The following TACR3 variants were observed in gnomAD, a reference collection of about 807,000 sequenced individuals.
TACR3 encodes the protein neuromedin-K receptor.
In TACR3, 34 loss-of-function variants were observed where a neutral mutation model predicts 35.0. The observed-to-expected ratio is 0.97, with a 90% CI of 0.74 to 1.30. The LOEUF (loss-of-function observed/expected upper bound fraction) is 1.30, where lower values mean the gene tolerates loss of function less well. TACR3 is among the 50% of genes most tolerant of loss of function. The pLI is 0.00. For synonymous variants in TACR3, 233 were observed against 221.1 expected, an observed-to-expected ratio of 1.05 and a Z score of -0.48; for missense variants, 558 against 591.7, an observed-to-expected ratio of 0.94 and a Z score of 0.59.
intron 3 of TACR3, among the ~76,000 whole-genome samples, chr4:103,630,319 A>G (rs1040636581): frequency 1.4e-4 from 22 of 152,228 alleles, no homozygotes; most frequent in African/African-American, 5.1e-4. Flanking sequence ...AATGGCAACA[A>G]AAGCCAAAAT....
intron 3 of TACR3, among the ~76,000 whole-genome samples, chr4:103,645,075 A>T (rs1010370660): frequency 6.6e-6 from 1 of 151,904 alleles, no homozygotes; most frequent in Non-Finnish European, 1.5e-5. Flanking sequence ...AGAGTCAGAC[A>T]AAAGTTCCAG....
intron 3 of TACR3, among the ~76,000 whole-genome samples, chr4:103,626,519 T>C (rs1724895966): frequency 6.6e-6 from 1 of 152,172 alleles, no homozygotes. Context: ...GGAATGTGTG[T>C]CGGTTAGCAA....
chr4:103,680,520 TATACAC>T (rs1722024884), intron 1 of TACR3, among the ~76,000 whole-genome samples: 1 of 148,784 alleles, frequency 6.7e-6, no homozygotes, highest in Non-Finnish European at 1.5e-5. Context: ...CACATATATA[TATACAC>T]ATATATATAC....
intron 3 of TACR3, among the ~76,000 whole-genome samples, chr4:103,642,248 C>T (rs1363251462): frequency 6.6e-6 from 1 of 150,710 alleles, no homozygotes; most frequent in East Asian, 1.9e-4. Context: ...TATATATAAT[C>T]ACATCATATA....
intron 3 of TACR3, among the ~76,000 whole-genome samples, chr4:103,598,452 G>A (rs1447670738): frequency 6.6e-6 from 1 of 152,190 alleles, no homozygotes; most frequent in Admixed American, 6.5e-5. Flanking sequence ...AAGCTCTTTA[G>A]ATTACTTAGA....
intron 3 of TACR3, among the ~76,000 whole-genome samples, chr4:103,606,888 C>T (rs903909072): frequency 6.6e-6 from 1 of 152,124 alleles, no homozygotes; most frequent in Non-Finnish European, 1.5e-5. Flanking sequence ...GAGGGCATCC[C>T]TGTCTTGTGC....
chr4:103,686,206 A>G (rs1722232800), intron 1 of TACR3, among the ~76,000 whole-genome samples: 1 of 152,130 alleles, frequency 6.6e-6, no homozygotes, highest in East Asian at 1.9e-4. Flanking sequence ...AGACAGGAAA[A>G]AGTCTTAAGA....
At chr4:103,621,315 C>T (rs1034921956) in intron 3 of TACR3, among the ~76,000 whole-genome samples, 10 of 152,076 alleles carry the variant, frequency 6.6e-5, no homozygotes, top group East Asian at 3.8e-4. Flanking sequence ...CCATGTACTA[C>T]AAGGTATGCT....
chr4:103,604,963 A>G (rs1317476242), intron 3 of TACR3, among the ~76,000 whole-genome samples: 10 of 142,620 alleles, frequency 7.0e-5, no homozygotes, highest in Admixed American at 7.0e-4. Flanking sequence ...TATATCTCCC[A>G]ATGCTATCCC....
chr4:103,672,713 C>T (rs554209452), intron 1 of TACR3, among the ~76,000 whole-genome samples: 1 of 152,216 alleles, frequency 6.6e-6, no homozygotes, highest in South Asian at 2.1e-4. Context: ...TTCAAGTCAC[C>T]AGCTGCACTA....
chr4:103,707,581 A>G (rs1170048493), intron 1 of TACR3, among the ~76,000 whole-genome samples: 1 of 152,166 alleles, frequency 6.6e-6, no homozygotes, highest in East Asian at 1.9e-4. Context: ...TGAGCGACGC[A>G]GAAGATGGGT....
chr4:103,591,839 T>A (rs1369345712), intron 3 of TACR3, among the ~76,000 whole-genome samples, 156 bp from the exon 4 acceptor site: 1 of 152,182 alleles, frequency 6.6e-6, no homozygotes, highest in Non-Finnish European at 1.5e-5. Context: ...ATACGGACAG[T>A]TGCCTAAGGT....
At chr4:103,612,219 T>C (rs1724529820) in intron 3 of TACR3, among the ~76,000 whole-genome samples, 2 of 152,184 alleles carry the variant, frequency 1.3e-5, no homozygotes, top group South Asian at 2.1e-4. Context: ...TTCTGATCCT[T>C]AAAAACATCA....
chr4:103,623,406 A>C (rs1488631312), intron 3 of TACR3, among the ~76,000 whole-genome samples: 3 of 152,052 alleles, frequency 2.0e-5, no homozygotes, highest in Non-Finnish European at 4.4e-5. Context: ...TAACAACTTC[A>C]TATGCTGGAA....
At chr4:103,688,475 G>A (rs1404103836) in intron 1 of TACR3, among the ~76,000 whole-genome samples, 4 of 150,542 alleles carry the variant, frequency 2.7e-5, no homozygotes. Flanking sequence ...CACAAAATGG[G>A]AGAAAATTTT....
intron 1 of TACR3, among the ~76,000 whole-genome samples, chr4:103,705,218 A>C (rs973529130): frequency 1.3e-5 from 2 of 152,282 alleles, no homozygotes; most frequent in Admixed American, 1.3e-4. Context: ...AAATGTTAGG[A>C]TAAACTATAT....
chr4:103,681,088 C>A (rs1722072073), intron 1 of TACR3, among the ~76,000 whole-genome samples: 1 of 151,736 alleles, frequency 6.6e-6, no homozygotes, highest in Admixed American at 6.6e-5. Context: ...AAATATTACA[C>A]TCAACAGATT....
At chr4:103,619,753 G>A (rs1040057838) in intron 3 of TACR3, among the ~76,000 whole-genome samples, 2 of 152,102 alleles carry the variant, frequency 1.3e-5, no homozygotes, top group African/African-American at 4.8e-5. Context: ...TTATCAAAAG[G>A]TTTTTCTGCA....
In TACR3 at chr4:103,629,872, C is replaced by CAAAA. The variant is rs1157154870; in HGVS notation, c.888+26318_888+26321dup. On this transcript the variant is annotated intron_variant, in intron 3 of 4. Coordinates refer to ENST00000304883, the MANE Select transcript of TACR3 (RefSeq NM_001059.3). ...AAACAAAAAAAAAACAAAAAAAAAA[C>CAAAA]AAAAAAAACAACAACAACAACAAAA... is the stretch of plus-strand genomic sequence containing the variant. Among the ~76,000 whole-genome samples the CAAAA allele has an allele frequency of 1.3e-3, 139 of 104,052 alleles. 1 individual carries two copies. Among genetic ancestry groups the CAAAA allele is most frequent in the South Asian group, 3.1e-3 (10 of 3,234 alleles). The allele number at this position is 104,052 out of a possible 152,430, so 68.3% of individuals were successfully genotyped here. A position where few individuals can be genotyped will look rare whatever the true frequency, so the allele number is the denominator to read the frequency against.
Sources: allele counts gnomAD v4.1 joint callset (sites outside exome capture counted in the v4.1 genomes callset), GRCh38; gene constraint gnomAD v4.1.1; transcripts MANE v1.5; gene names NCBI Gene and HGNC (gene_info 2026-07-23, HGNC 2026-07-21).